The following CMTM4 variants were observed in gnomAD, a reference collection of about 807,000 sequenced individuals.
The protein encoded by CMTM4 is CKLF-like MARVEL transmembrane domain-containing protein 4.
Under a neutral mutation model 19.0 loss-of-function variants are expected in CMTM4, and 8 were observed. That is an observed-to-expected ratio of 0.42 (90% CI 0.25 to 0.76). CMTM4 has a LOEUF of 0.76. CMTM4 is among the 30% of genes least tolerant of loss of function. The pLI, the probability that CMTM4 is intolerant of heterozygous loss-of-function variation, is 0.27. For synonymous variants in CMTM4, 106 were observed against 121.1 expected, an observed-to-expected ratio of 0.88 and a Z score of 0.82; for missense variants, 228 against 290.2, an observed-to-expected ratio of 0.79 and a Z score of 1.56.
intron 1 of CMTM4, among the ~76,000 whole-genome samples, chr16:66,658,532 T>C (rs945117460): frequency 7.2e-5 from 11 of 152,212 alleles, no homozygotes; most frequent in African/African-American, 2.4e-4. Context: ...CCTTGATCTA[T>C]GCCAGTGGCT....
intron 1 of CMTM4, among the ~76,000 whole-genome samples, chr16:66,644,102 T>G (rs2016146442): frequency 6.6e-6 from 1 of 152,192 alleles, no homozygotes; most frequent in Non-Finnish European, 1.5e-5. Flanking sequence ...TGTCTCCCAA[T>G]GTACCAGATC....
chr16:66,636,642 C>G, intron 1 of CMTM4, 61 bp from the exon 2 acceptor site: 1 of 1,345,316 alleles, frequency 7.4e-7, no homozygotes, highest in Non-Finnish European at 1.1e-6. Flanking sequence ...TGCGGACATA[C>G]GTACCTGCCA....
the CMTM4 span, among the ~76,000 whole-genome samples, chr16:66,608,681 G>A: frequency 6.6e-6 from 1 of 152,222 alleles, no homozygotes; most frequent in African/African-American, 2.4e-5. This position sits in a 1 kb window ranked among gnomAD's most constrained non-coding sequence, Gnocchi z 5.1. Context: ...GAGCAGGTCT[G>A]TGAGGCAGGG....
chr16:66,640,810 A>C (rs1428528470), intron 1 of CMTM4, among the ~76,000 whole-genome samples: 4 of 152,156 alleles, frequency 2.6e-5, no homozygotes, highest in Non-Finnish European at 5.9e-5. Context: ...ACCAGCTGCC[A>C]TGTCTTGAGG....
chr16:66,601,009 G>A, the CMTM4 span, among the ~76,000 whole-genome samples: 4 of 152,096 alleles, frequency 2.6e-5, no homozygotes, highest in African/African-American at 7.2e-5. Context: ...GAGAGGCAGG[G>A]GAGGGAAGCA....
chr16:66,606,494 G>C, the CMTM4 span, among the ~76,000 whole-genome samples: 1 of 151,450 alleles, frequency 6.6e-6, no homozygotes, highest in Non-Finnish European at 1.5e-5. Flanking sequence ...AGAGCAAATG[G>C]GGGTGCTCTG....
chr16:66,607,593 T>C, the CMTM4 span, among the ~76,000 whole-genome samples: 1 of 152,248 alleles, frequency 6.6e-6, no homozygotes, highest in Admixed American at 6.5e-5. Context: ...GTTTTTTCTT[T>C]TCAAGGTGAA....
chr16:66,633,185 A>G (rs2015917684), intron 2 of CMTM4, among the ~76,000 whole-genome samples: 1 of 148,990 alleles, frequency 6.7e-6, no homozygotes, highest in African/African-American at 2.5e-5. Context: ...ACCCAAACCA[A>G]AAACTTGACA....
chr16:66,630,282 T>C (rs112300035), intron 2 of CMTM4, among the ~76,000 whole-genome samples: 4,542 of 134,262 alleles, frequency 0.034, 157 homozygotes, highest in East Asian at 0.13. Flanking sequence ...ACACAAGACT[T>C]TCCCTCTCCC....
downstream of CMTM4, chr16:66,610,008 G>A (rs761720807): frequency 2.5e-6 from 4 of 1,614,076 alleles, no homozygotes; most frequent in African/African-American, 4.0e-5. This position sits in a 1 kb window ranked among gnomAD's most constrained non-coding sequence, Gnocchi z 4.6. Flanking sequence ...CAGAAGGTAA[G>A]CGGCTGCCCT....
chr16:66,625,301 G>A (rs2015714208), intron 2 of CMTM4, among the ~76,000 whole-genome samples: 1 of 152,114 alleles, frequency 6.6e-6, no homozygotes, highest in African/African-American at 2.4e-5. Context: ...GGGTGTGGTG[G>A]CACATGCCTG....
Position 66,620,301 on chromosome 16 carries a change from G to A in CMTM4, c.*1757C>T, listed in dbSNP as rs2015606281. 9 of 985,360 alleles carry A rather than the reference G, an allele frequency of 9.1e-6. No homozygotes were observed. Among genetic ancestry groups the A allele is most frequent in the Non-Finnish European group, 1.1e-5 (9 of 829,964 alleles). The allele number at this position is 985,360 out of a possible 1,614,324, so 61.0% of individuals were successfully genotyped here. A position where few individuals can be genotyped will look rare whatever the true frequency, so the allele number is the denominator to read the frequency against. ...CCTGACAGGCAGCACACCCAGCTGT[G>A]AGCTGGCCTGGCTGCCCTCTCTGTG... On this transcript the variant is annotated 3_prime_UTR_variant, in exon 4 of 4. Transcript: ENST00000394106.
Position 66,619,203 on chromosome 16 carries a change from A to G in CMTM4, c.*2855T>C. 3 of 985,492 alleles carry G rather than the reference A, an allele frequency of 3.0e-6. No homozygotes were observed. The highest frequency in any genetic ancestry group is 3.6e-6 in the Non-Finnish European group (3 of 829,942). The allele number at this position is 985,492 out of a possible 1,614,324, so 61.0% of individuals were successfully genotyped here. On this transcript the variant is annotated 3_prime_UTR_variant, in exon 4 of 4. Coordinates refer to ENST00000394106, the MANE Select transcript of CMTM4 (RefSeq NM_181521.3). ...TCCCATGCCTTCAGCAGTGTGAAAG[A>G]AGGATATCAAAGAGAATCAGAGGGA...
At position 66,617,636 on chromosome 16, in the gene CMTM4, C is replaced by T. The variant is rs555736547; in HGVS notation, c.*4422G>A. On this transcript the variant is annotated 3_prime_UTR_variant, in exon 4 of 4. Transcript: ENST00000394106. ...AAATATTTTAAATTACTTTCTCAACCAGACAGTTCTTGTGACTTGAATGAT... is the reference window on the plus strand; with the variant it reads ...AAATATTTTAAATTACTTTCTCAACTAGACAGTTCTTGTGACTTGAATGAT... The T allele has an allele frequency of 3.4e-5, 39 of 1,156,116 alleles. No homozygotes were observed. Among genetic ancestry groups the T allele is most frequent in the Admixed American group, 1.3e-4 (3 of 22,954 alleles). 71.6% of individuals were successfully genotyped at this position (1,156,116 alleles called of 1,614,324 possible).
At chr16:66,685,218 G>C (rs1376746390) in intron 1 of CMTM4, among the ~76,000 whole-genome samples, 1 of 152,106 alleles carries the variant, frequency 6.6e-6, no homozygotes, top group South Asian at 2.1e-4. Context: ...TATTATCTGT[G>C]ATCCCTTCTG....
intron 2 of CMTM4, among the ~76,000 whole-genome samples, chr16:66,624,992 G>A (rs1267871476): frequency 6.6e-6 from 1 of 151,688 alleles, no homozygotes; most frequent in Non-Finnish European, 1.5e-5. Flanking sequence ...GATGCTGTAG[G>A]GGTAAAAAAA....
At chr16:66,674,205 C>T (rs1268669291) in intron 1 of CMTM4, among the ~76,000 whole-genome samples, 1 of 152,188 alleles carries the variant, frequency 6.6e-6, no homozygotes, top group African/African-American at 2.4e-5. Flanking sequence ...CTGCACTTGA[C>T]CAGATAGATG....
intron 2 of CMTM4, among the ~76,000 whole-genome samples, chr16:66,627,239 G>C (rs574166611): frequency 2.0e-5 from 3 of 152,086 alleles, no homozygotes; most frequent in Non-Finnish European, 4.4e-5. Flanking sequence ...AAATAATCAC[G>C]TAGTTATATA....
chr16:66,624,926 C>A (rs1321335104), intron 2 of CMTM4, among the ~76,000 whole-genome samples: 1 of 152,188 alleles, frequency 6.6e-6, no homozygotes, highest in Non-Finnish European at 1.5e-5. Context: ...TAAGCCAGGG[C>A]AAATTTTTCA....
Sources: allele counts gnomAD v4.1 joint callset (sites outside exome capture counted in the v4.1 genomes callset), GRCh38; gene constraint gnomAD v4.1.1; non-coding constraint Gnocchi (gnomAD v3.1); transcripts MANE v1.5; gene names NCBI Gene and HGNC (gene_info 2026-07-23, HGNC 2026-07-21).